Variants in DHDDS observed in about 807,000 individuals in gnomAD.
The protein encoded by DHDDS is dehydrodolichyl diphosphate synthase complex subunit DHDDS.
Under a neutral mutation model 46.2 loss-of-function variants are expected in DHDDS, and 16 were observed. That is an observed-to-expected ratio of 0.35 (90% CI 0.23 to 0.53). The LOEUF is 0.53. Among genes scored for constraint, DHDDS ranks in the 20% least tolerant of loss-of-function variants. The pLI, the probability that DHDDS is intolerant of heterozygous loss-of-function variation, is 0.94. For missense variants in DHDDS, 340 were observed against 423.7 expected (o/e 0.80, Z 1.73); for synonymous variants, 151 against 163.1 (o/e 0.93, Z 0.56).
At chr1:26,434,545 G>A (rs2075134209) in intron 2 of DHDDS, among the ~76,000 whole-genome samples, 1 of 152,186 alleles carries the variant, frequency 6.6e-6, no homozygotes, top group South Asian at 2.1e-4. Flanking sequence ...TGTTGATGAG[G>A]AAGCAGTCAG....
chr1:26,469,263 CA>C lies in DHDDS; in HGVS notation c.*133del, dbSNP rs536975761. ...CCCTTTGCTTGGCTGGGGAGCCCCC[CA>C]GGCCAGGTTTGCTGGCCATAGATAC... On this transcript the variant is annotated 3_prime_UTR_variant, in exon 9 of 9. Coordinates refer to ENST00000236342, the MANE Select transcript of DHDDS (RefSeq NM_205861.3). 34 of 1,553,672 alleles carry C rather than the reference CA, an allele frequency of 2.2e-5. No homozygotes were observed. In the Admixed American group the frequency reaches 3.9e-4, roughly 18 times the overall value.
At chr1:26,467,746 G>A (rs944315532) in intron 8 of DHDDS, among the ~76,000 whole-genome samples, 1 of 152,202 alleles carries the variant, frequency 6.6e-6, no homozygotes, top group Admixed American at 6.5e-5. Context: ...GGTCATCAGG[G>A]TATAGGATAC....
At chr1:26,452,172 A>G (rs1190277787) in intron 6 of DHDDS, among the ~76,000 whole-genome samples, 1 of 152,044 alleles carries the variant, frequency 6.6e-6, no homozygotes, top group Admixed American at 6.5e-5. Flanking sequence ...CAGCTTCCTG[A>G]GTATCTGGGA....
In DHDDS at chr1:26,446,417, C is replaced by T. The variant is rs758751596; in HGVS notation, c.425C>T (p.Thr142Met). 2.5e-6 allele frequency: 4 copies of T among 1,613,660 alleles called. No individual in the cohort carries two copies. Among genetic ancestry groups the T allele is most frequent in the Admixed American group, 3.3e-5 (2 of 59,994 alleles). Residue 142 changes from threonine (T) to methionine (M), a missense_variant, in exon 5 of 9, where the codon ACG becomes ATG. By Grantham distance (81) the Thr-to-Met change is moderately conservative. This residue lies in a region of DHDDS where 268 missense variants were observed against 300.3 expected (regional missense o/e 0.89). Transcript: ENST00000236342. ...CTGATTGCACAAGCTGTACAGGCCA[C>T]GAAGAACTACAACAAGTAAGTTCTC... ...QELIAQAVQA[T>M]KNYNKCFLNV...
chr1:26,468,818 C>T, intron 8 of DHDDS, 77 bp from the exon 9 acceptor site: 2 of 1,503,752 alleles, frequency 1.3e-6, no homozygotes, highest in Non-Finnish European at 1.8e-6. Context: ...TGTGCCCCAC[C>T]CCCTACCTCC....
At chr1:26,438,474 C>T (rs1197774122) in intron 3 of DHDDS, 190 bp downstream of exon 3, 1 of 579,046 alleles carries the variant, frequency 1.7e-6, no homozygotes, top group East Asian at 3.3e-5. Flanking sequence ...CCTCTAATCC[C>T]ACACTTTGGG....
chr1:26,455,782 A>G (rs953619565), intron 6 of DHDDS, among the ~76,000 whole-genome samples: 14 of 152,150 alleles, frequency 9.2e-5, no homozygotes, highest in Admixed American at 8.5e-4. Context: ...AAGACACACA[A>G]CTAGTAAGTG....
intron 7 of DHDDS, among the ~76,000 whole-genome samples, chr1:26,458,150 T>C (rs1358057356): frequency 6.6e-6 from 1 of 152,260 alleles, no homozygotes; most frequent in African/African-American, 2.4e-5. Flanking sequence ...TTTCAAGGAA[T>C]GGGACTTCTG....
chr1:26,462,516 T>C (rs1041331737), intron 8 of DHDDS, among the ~76,000 whole-genome samples: 9 of 152,168 alleles, frequency 5.9e-5, no homozygotes, highest in African/African-American at 9.7e-5. Context: ...TTTGACAGTA[T>C]CTCTCCTCTT....
Position 26,441,365 on chromosome 1 carries a change from AG to A in DHDDS, c.181-1365del, listed in dbSNP as rs1195688389. On this transcript the variant is annotated intron_variant, in intron 3 of 8. Coordinates refer to ENST00000236342, the MANE Select transcript of DHDDS (RefSeq NM_205861.3). ...AGGTGTGCGCCACCGCACCCAGCTA[AG>A]TTTCTGTATTTTTAGTAGAAATGGG... Among the ~76,000 whole-genome samples the A allele has an allele frequency of 3.3e-5, 5 of 151,702 alleles. No individual in the cohort carries two copies. The East Asian group carries it at 5.9e-4, about 18-fold the overall frequency.
chr1:26,453,979 A>G (rs2075345754), intron 6 of DHDDS, among the ~76,000 whole-genome samples: 1 of 151,184 alleles, frequency 6.6e-6, no homozygotes, highest in East Asian at 1.9e-4. Flanking sequence ...TTTGAGATGG[A>G]GTCTTGCTCT....
Position 26,468,871 on chromosome 1 carries a change from C to G in DHDDS, c.766-24C>G, listed in dbSNP as rs1278084460. ...CACTCCTAAAAATGATCTCCCCACC[C>G]CAATCCCCACTTTTCTCTAGCAGAA... On this transcript the variant is annotated intron_variant, in intron 8 of 8. Coordinates refer to ENST00000236342, the MANE Select transcript of DHDDS (RefSeq NM_205861.3). 3.6e-5 allele frequency: 58 copies of G among 1,613,664 alleles called. 1 individual carries two copies. The highest frequency in any genetic ancestry group is 4.9e-5 in the Non-Finnish European group (58 of 1,179,990).
Position 26,468,990 on chromosome 1 carries a change from A to T in DHDDS, c.861A>T (p.Gln287His). The T allele has an allele frequency of 6.2e-7, 1 of 1,614,196 alleles. No homozygotes were observed. The highest frequency in any genetic ancestry group is 8.5e-7 in the Non-Finnish European group (1 of 1,180,042). Residue 287 changes from glutamine to histidine, a missense_variant, in exon 9 of 9, where the codon CAA becomes CAT. Physicochemically the swap from Gln to His is conservative, Grantham distance 24. Coordinates refer to ENST00000236342, the MANE Select transcript of DHDDS (RefSeq NM_205861.3). ...AGCAGCTGCTGCGAGAGGGGCTCCAAGCCAGTGGGGACGCCCAGCTCCGAA... is the reference window on the plus strand; with the variant it reads ...AGCAGCTGCTGCGAGAGGGGCTCCATGCCAGTGGGGACGCCCAGCTCCGAA... The part of the protein sequence containing the change: ...VTEQLLREGL[Q>H]ASGDAQLRRT...
intron 6 of DHDDS, 30 bp downstream of exon 6, chr1:26,447,690 T>C (rs756192012): frequency 2.8e-5 from 45 of 1,596,348 alleles, no homozygotes; most frequent in Non-Finnish European, 3.8e-5. Flanking sequence ...ATGGTAATTG[T>C]TAAGGAAAAC....
intron 8 of DHDDS, among the ~76,000 whole-genome samples, chr1:26,467,901 T>C (rs948589271): frequency 2.0e-5 from 3 of 152,208 alleles, no homozygotes; most frequent in Non-Finnish European, 2.9e-5. Flanking sequence ...AAAGGGATTT[T>C]CCGCTCTTCT....
At chr1:26,463,065 G>C (rs1410649374) in intron 8 of DHDDS, among the ~76,000 whole-genome samples, 1 of 152,196 alleles carries the variant, frequency 6.6e-6, no homozygotes, top group East Asian at 1.9e-4. Flanking sequence ...GCTAGAGTCA[G>C]ACCTTGGCTC....
chr1:26,432,690 C>A, intron 1 of DHDDS: 1 of 533,564 alleles, frequency 1.9e-6, no homozygotes, highest in Non-Finnish European at 3.4e-6. Context: ...TCTGCAAAGC[C>A]AGGAGAACCG....
chr1:26,439,836 T>A (rs1381628622), intron 3 of DHDDS, among the ~76,000 whole-genome samples: 2 of 152,192 alleles, frequency 1.3e-5, no homozygotes, highest in Non-Finnish European at 2.9e-5. Flanking sequence ...ACAATCTTGG[T>A]GAAATTTTTA....
chr1:26,436,295 G>T (rs570172587), intron 2 of DHDDS, among the ~76,000 whole-genome samples: 1 of 152,220 alleles, frequency 6.6e-6, no homozygotes, highest in East Asian at 1.9e-4. Context: ...GCTACTTGGG[G>T]AATTGAAGTG....
Sources: gnomAD v4.1 joint callset for allele counts (sites outside exome capture counted in the v4.1 genomes callset) on GRCh38, gnomAD v4.1.1 for gene constraint, gnomAD v4.1.1 regional missense constraint, MANE v1.5 for transcripts, NCBI Gene and HGNC (gene_info 2026-07-23, HGNC 2026-07-21) for gene names.